TIAM2: variants seen among roughly 807,000 people sequenced by gnomAD.
TIAM2 encodes TIAM Rac1 associated GEF 2.
Under a neutral mutation model 152.9 loss-of-function variants are expected in TIAM2, and 80 were observed. That is an observed-to-expected ratio of 0.52 (90% confidence interval 0.44 to 0.63). The LOEUF is 0.63. Among genes scored for constraint, TIAM2 ranks in the 30% least tolerant of loss-of-function variants. The pLI is 0.00. For synonymous variants in TIAM2, 804 were observed against 838.0 expected (o/e 0.96, Z 0.70); for missense variants, 1,965 against 2,120.1 (o/e 0.93, Z 1.44).
intron 1 of TIAM2, among the ~76,000 whole-genome samples, chr6:155,051,344 C>T (rs1310330380): frequency 1.3e-5 from 2 of 152,130 alleles, no homozygotes; most frequent in Admixed American, 6.5e-5. Flanking sequence ...CATGGGTGCC[C>T]GTGATTTGAG....
At chr6:155,046,264 CT>C (rs1777171903) in intron 1 of TIAM2, among the ~76,000 whole-genome samples, 1 of 150,268 alleles carries the variant, frequency 6.7e-6, no homozygotes, top group Non-Finnish European at 1.5e-5. Flanking sequence ...TATTTTCTTT[CT>C]TTAAGGTAAT....
intron 14 of TIAM2, among the ~76,000 whole-genome samples, chr6:155,200,953 G>C (rs1425580842): frequency 2.0e-5 from 3 of 151,836 alleles, no homozygotes; most frequent in Non-Finnish European, 4.4e-5. Context: ...AAAAAAAGAA[G>C]TCACTCCTTA....
intron 2 of TIAM2, among the ~76,000 whole-genome samples, chr6:155,122,524 ATT>A (rs566612162): frequency 7.1e-6 from 1 of 141,276 alleles, no homozygotes; most frequent in African/African-American, 2.7e-5. Flanking sequence ...GGATGGTAGG[ATT>A]TTTTTTTTTT....
chr6:155,254,289 C>CACT, intron 25 of TIAM2, 130 bp from the exon 26 acceptor site: 3 of 1,238,140 alleles, frequency 2.4e-6, no homozygotes, highest in Non-Finnish European at 3.4e-6. Context: ...GGCCACATGG[C>CACT]ACTGCTGCTG....
intron 1 of TIAM2, among the ~76,000 whole-genome samples, chr6:155,010,531 C>T (rs942580114): frequency 1.3e-5 from 2 of 152,186 alleles, no homozygotes; most frequent in African/African-American, 4.8e-5. Flanking sequence ...TCTCGGCTCA[C>T]TGCAGCCTGT....
At chr6:155,194,156 G>T (rs1026752323) in intron 14 of TIAM2, among the ~76,000 whole-genome samples, 1 of 152,174 alleles carries the variant, frequency 6.6e-6, no homozygotes, top group African/African-American at 2.4e-5. Context: ...GTAGATGAGG[G>T]GGCATAGAGC....
intron 20 of TIAM2, 24 bp downstream of exon 20, chr6:155,248,203 G>T: frequency 6.2e-7 from 1 of 1,607,836 alleles, no homozygotes; most frequent in South Asian, 1.1e-5. Context: ...GGCACCTCCG[G>T]GCGAGGGCCT....
intron 14 of TIAM2, among the ~76,000 whole-genome samples, chr6:155,206,340 C>G (rs528313207): frequency 6.6e-6 from 1 of 152,266 alleles, no homozygotes; most frequent in Admixed American, 6.5e-5. Flanking sequence ...CTCCACCTCC[C>G]GGGTTCAAGT....
intron 2 of TIAM2, among the ~76,000 whole-genome samples, chr6:155,104,056 CCCCACACA>C (rs1778620137): frequency 1.8e-5 from 1 of 55,620 alleles, no homozygotes; most frequent in Middle Eastern, 7.4e-3. Flanking sequence ...CCCCCCACAC[CCCCACACA>C]CCCCCACACA....
intron 15 of TIAM2, among the ~76,000 whole-genome samples, chr6:155,238,878 T>TG (rs1248333284): frequency 1.3e-4 from 20 of 152,314 alleles, no homozygotes; most frequent in Admixed American, 4.6e-4. Context: ...GACCACTGAA[T>TG]TGAACTGAAA....
chr6:155,015,959 A>AG (rs1458311245), intron 1 of TIAM2, among the ~76,000 whole-genome samples: 1 of 150,604 alleles, frequency 6.6e-6, no homozygotes, highest in East Asian at 1.9e-4. Context: ...AAAAAAAAAA[A>AG]AAAAAAAAAA....
chr6:155,085,287 T>A (rs1778150919), intron 1 of TIAM2, among the ~76,000 whole-genome samples: 2 of 152,320 alleles, frequency 1.3e-5, no homozygotes, highest in Non-Finnish European at 2.9e-5. Flanking sequence ...GAAGAAGGCA[T>A]GAATTTGAGA....
chr6:155,094,724 G>GTTTT (rs200208029), intron 2 of TIAM2, among the ~76,000 whole-genome samples: 1 of 136,190 alleles, frequency 7.3e-6, no homozygotes, highest in African/African-American at 2.7e-5. Context: ...TATATCTATG[G>GTTTT]TTTTTTTTTT....
rs1778504846 is a variant in TIAM2, at chr6:155,099,489, T to C, written c.-118+9110T>C. On this transcript the variant is annotated intron_variant, in intron 2 of 26. Transcript: ENST00000682666. ...AAAATGTTAAAAATTTATCTTGTTC[T>C]TCATTTTGTTTTCATTTAATCCGTA... Among the ~76,000 whole-genome samples the C allele has an allele frequency of 2.0e-5, 3 of 152,204 alleles. No homozygotes were observed. The South Asian group carries it at 6.2e-4, about 31-fold the overall frequency.
At position 155,088,052 on chromosome 6, in the gene TIAM2, CTTTTTT is replaced by C. The variant is rs113372173; in HGVS notation, c.-208-2222_-208-2217del. On this transcript the variant is annotated intron_variant, in intron 1 of 26. Transcript: ENST00000682666. ...TAGGTGTATTTCTTTTTCTTTCTTT[CTTTTTT>C]TTTTTTTTTTTTTTGAGACGTAGTT... 1.2e-4 allele frequency among the ~76,000 whole-genome samples: 14 copies of C among 119,026 alleles called. No individual in the cohort carries two copies. The East Asian group carries it at 3.1e-3, about 27-fold the overall frequency. The allele number at this position is 119,026 out of a possible 152,430, so 78.1% of individuals were successfully genotyped here.
chr6:155,243,582 C>T (rs928649315), intron 16 of TIAM2, among the ~76,000 whole-genome samples: 2 of 152,120 alleles, frequency 1.3e-5, no homozygotes, highest in Non-Finnish European at 2.9e-5. Flanking sequence ...TGTGGTGGCT[C>T]ACGCCTGTAA....
intron 2 of TIAM2, among the ~76,000 whole-genome samples, chr6:155,105,556 T>G (rs1240614469): frequency 6.6e-6 from 1 of 152,096 alleles, no homozygotes; most frequent in Non-Finnish European, 1.5e-5. Context: ...TCAGCCTCCC[T>G]TGTAGCTTGG....
intron 16 of TIAM2, among the ~76,000 whole-genome samples, chr6:155,242,236 G>A (rs1251816384): frequency 6.6e-6 from 1 of 152,246 alleles, no homozygotes; most frequent in Non-Finnish European, 1.5e-5. Context: ...ATGACTGCCA[G>A]GCCCCAACAC....
At chr6:155,047,746 C>T (rs1336881897) in intron 1 of TIAM2, among the ~76,000 whole-genome samples, 2 of 118,796 alleles carry the variant, frequency 1.7e-5, no homozygotes, top group African/African-American at 3.3e-5. Context: ...AGAGAGAGAG[C>T]GAGCGCACAG....
Sources: allele counts gnomAD v4.1 joint callset (sites outside exome capture counted in the v4.1 genomes callset), GRCh38; gene constraint gnomAD v4.1.1; transcripts MANE v1.5; gene names NCBI Gene and HGNC (gene_info 2026-07-23, HGNC 2026-07-21).